TIAM2: variants seen among roughly 807,000 people sequenced by gnomAD.
TIAM2 encodes the protein TIAM Rac1 associated GEF 2.
Under a neutral mutation model 152.9 loss-of-function variants are expected in TIAM2, and 80 were observed. That is an observed-to-expected ratio of 0.52 (90% CI 0.44 to 0.63). The LOEUF is 0.63. Ranked by LOEUF, TIAM2 falls within the 30% of genes least tolerant of loss-of-function variation. TIAM2 has a pLI of 0.00. For synonymous variants in TIAM2, 804 were observed against 838.0 expected (o/e 0.96, Z 0.70); for missense variants, 1,965 against 2,120.1 (o/e 0.93, Z 1.44).
chr6:155,168,717 T>C (rs1318486972), intron 9 of TIAM2: 2 of 762,306 alleles, frequency 2.6e-6, no homozygotes, highest in South Asian at 2.1e-5. Context: ...AGAATAATGA[T>C]ACAAATTGTG....
chr6:155,081,465 T>A (rs1778059698), intron 1 of TIAM2, among the ~76,000 whole-genome samples: 1 of 151,280 alleles, frequency 6.6e-6, no homozygotes, highest in Non-Finnish European at 1.5e-5. Context: ...AGAAATTATG[T>A]CTAGTCTTGG....
At position 155,164,133 on chromosome 6, in the gene TIAM2, G is replaced by GT. The variant is rs375238178; in HGVS notation, c.2029-270dup. ...TGGCACCACACCAGCTAATTTTTGT[G>GT]TTTTTTTTTTTTCTTTTTTTTAGTA... On this transcript the variant is annotated intron_variant, in intron 7 of 26. Coordinates refer to ENST00000682666, the MANE Select transcript of TIAM2 (RefSeq NM_012454.4). Among the ~76,000 whole-genome samples, 87 of 118,046 alleles carry GT rather than the reference G, an allele frequency of 7.4e-4. 2 individuals carry two copies. The highest frequency in any genetic ancestry group is 1.6e-3 in the African/African-American group (53 of 34,128). 77.4% of individuals were successfully genotyped at this position (118,046 alleles called of 152,430 possible). A position where few individuals can be genotyped will look rare whatever the true frequency, so the allele number is the denominator to read the frequency against.
intron 15 of TIAM2, among the ~76,000 whole-genome samples, chr6:155,216,352 A>G (rs1266127780): frequency 6.6e-6 from 1 of 152,174 alleles, no homozygotes; most frequent in African/African-American, 2.4e-5. Context: ...TGTTGGGGAT[A>G]TTTTACTAAC....
At chr6:155,139,912 C>T (rs1363751364) in intron 5 of TIAM2, among the ~76,000 whole-genome samples, 1 of 152,192 alleles carries the variant, frequency 6.6e-6, no homozygotes, top group Non-Finnish European at 1.5e-5. Flanking sequence ...TGCACTCCAG[C>T]CTGGGCGATG....
Position 155,137,617 on chromosome 6 carries a change from G to A in TIAM2, c.1630+5G>A. 1 of 1,565,020 alleles carries A rather than the reference G, an allele frequency of 6.4e-7. No homozygotes were observed. The highest frequency in any genetic ancestry group is 1.2e-5 in the South Asian group (1 of 84,424). On this transcript the variant is annotated splice_donor_5th_base_variant and intron_variant, in intron 5 of 26. Transcript: ENST00000682666. ...AGTACTGGGTAACGCTGAAAGGTGA[G>A]TGCAGTGTCACCTGCTGAGGCCACT...
intron 1 of TIAM2, among the ~76,000 whole-genome samples, chr6:155,003,936 T>G (rs1333771417): frequency 1.3e-5 from 2 of 152,192 alleles, no homozygotes; most frequent in Non-Finnish European, 2.9e-5. Context: ...GAGCCAAGAT[T>G]GACGGAGCGA....
At chr6:155,241,850 G>A (rs867093367) in intron 16 of TIAM2, among the ~76,000 whole-genome samples, 11 of 152,174 alleles carry the variant, frequency 7.2e-5, no homozygotes, top group South Asian at 2.1e-4. Flanking sequence ...TTTCCAAGTC[G>A]CTGTGTGGCG....
At chr6:155,167,604 G>A (rs1219157176) in intron 9 of TIAM2, among the ~76,000 whole-genome samples, 1 of 152,146 alleles carries the variant, frequency 6.6e-6, no homozygotes, top group East Asian at 1.9e-4. Flanking sequence ...ATTGACTGTA[G>A]TCAACTGCAA....
chr6:155,223,264 T>C (rs908575016), intron 15 of TIAM2, among the ~76,000 whole-genome samples: 10 of 152,204 alleles, frequency 6.6e-5, no homozygotes, highest in African/African-American at 2.2e-4. Context: ...TTAATATTAT[T>C]GATATTGCAG....
intron 1 of TIAM2, among the ~76,000 whole-genome samples, chr6:155,046,330 T>C (rs1255055348): frequency 8.2e-6 from 1 of 121,962 alleles, no homozygotes; most frequent in Non-Finnish European, 1.7e-5. Flanking sequence ...CTTGGCTCTG[T>C]CTTTTTTTTT....
intron 1 of TIAM2, among the ~76,000 whole-genome samples, chr6:155,007,203 T>C (rs1162395228): frequency 2.0e-5 from 3 of 152,108 alleles, no homozygotes; most frequent in Non-Finnish European, 4.4e-5. Flanking sequence ...TCCCGTCTCT[T>C]TTCCCTGCAT....
At chr6:155,090,090 T>C (rs983359478) in intron 1 of TIAM2, among the ~76,000 whole-genome samples, 199 bp from the exon 2 acceptor site, 7 of 152,244 alleles carry the variant, frequency 4.6e-5, no homozygotes, top group African/African-American at 1.4e-4. Context: ...ACAGTAAATC[T>C]GCTTCTCCAG....
chr6:155,137,051 TG>T (rs2115048386), intron 4 of TIAM2, 125 bp from the exon 5 acceptor site: 1 of 1,013,608 alleles, frequency 9.9e-7, no homozygotes, highest in Non-Finnish European at 1.4e-6. Flanking sequence ...GATGTATTTT[TG>T]TTACAAGAAT....
intron 12 of TIAM2, among the ~76,000 whole-genome samples, chr6:155,181,124 C>G (rs1780891971): frequency 6.6e-6 from 1 of 152,190 alleles, no homozygotes; most frequent in Admixed American, 6.5e-5. Flanking sequence ...GCTGGGGTCA[C>G]AGCAGAGACC....
chr6:155,023,480 T>C (rs1776538802), intron 1 of TIAM2, among the ~76,000 whole-genome samples: 1 of 152,196 alleles, frequency 6.6e-6, no homozygotes, highest in African/African-American at 2.4e-5. Context: ...TGAATGAGAA[T>C]GGGATCTAGT....
intron 1 of TIAM2, among the ~76,000 whole-genome samples, chr6:155,062,792 C>CT (rs1275117274): frequency 6.6e-6 from 1 of 152,042 alleles, no homozygotes; most frequent in Non-Finnish European, 1.5e-5. Context: ...TCAGGCTGGT[C>CT]TTGAACTCCT....
intron 14 of TIAM2, among the ~76,000 whole-genome samples, chr6:155,199,608 C>G (rs568570939): frequency 6.6e-5 from 10 of 152,310 alleles, no homozygotes; most frequent in Admixed American, 5.9e-4. Context: ...CCTTCTCTCT[C>G]TGAAATTCTT....
At chr6:155,134,566 C>T (rs1266990128) in intron 4 of TIAM2, among the ~76,000 whole-genome samples, 1 of 151,966 alleles carries the variant, frequency 6.6e-6, no homozygotes, top group Non-Finnish European at 1.5e-5. Context: ...AAGCATATTC[C>T]GTCATGGCCC....
At chr6:155,232,125 G>T (rs1379412905) in intron 15 of TIAM2, among the ~76,000 whole-genome samples, 1 of 152,072 alleles carries the variant, frequency 6.6e-6, no homozygotes, top group African/African-American at 2.4e-5. Flanking sequence ...TGGGGAAGTA[G>T]TCATTCAGCC....
Sources: gnomAD v4.1 joint callset for allele counts (sites outside exome capture counted in the v4.1 genomes callset) on GRCh38, gnomAD v4.1.1 for gene constraint, MANE v1.5 for transcripts, NCBI Gene and HGNC (gene_info 2026-07-23, HGNC 2026-07-21) for gene names.